The following INPP5J variants were observed in gnomAD, a reference collection of about 807,000 sequenced individuals.
INPP5J encodes phosphatidylinositol 4,5-bisphosphate 5-phosphatase A.
INPP5J carries 75 observed loss-of-function variants against 86.6 expected under a neutral mutation model. That is an observed-to-expected ratio of 0.87 (90% CI 0.72 to 1.05). INPP5J has a LOEUF of 1.05. INPP5J is among the 50% of genes least tolerant of loss of function. The probability of loss-of-function intolerance (pLI) is 0.00; values close to 1 mark genes in which losing one functional copy is unlikely to be tolerated. For synonymous variants in INPP5J, 540 were observed against 550.0 expected (o/e 0.98, Z 0.25); for missense variants, 1,229 against 1,341.2 (o/e 0.92, Z 1.31).
intron 9 of INPP5J, among the ~76,000 whole-genome samples, chr22:31,131,494 C>T (rs139994460): frequency 0.075 from 11,385 of 151,298 alleles, 566 homozygotes; most frequent in Admixed American, 0.13. Flanking sequence ...ACCCGGGAGG[C>T]GGAGGTTGCA....
chr22:31,128,115 A>G, intron 7 of INPP5J, 53 bp downstream of exon 7: 1 of 1,469,366 alleles, frequency 6.8e-7, no homozygotes. Context: ...ACACGCCTGT[A>G]CCTTAGACTA....
At chr22:31,128,187 C>A in intron 7 of INPP5J, 27 bp from the exon 8 acceptor site, 1 of 1,541,036 alleles carries the variant, frequency 6.5e-7, no homozygotes, top group South Asian at 1.2e-5. Context: ...AGCTGTTGTC[C>A]AATCTGCTCT....
At position 31,125,243 on chromosome 22, in the gene INPP5J, G is replaced by A. The variant is rs1294503404; in HGVS notation, c.504G>A (p.Gln168=). 1.9e-6 allele frequency: 3 copies of A among 1,550,492 alleles called. No homozygotes were observed. In the South Asian group the frequency reaches 3.6e-5, roughly 18 times the overall value. The change falls in exon 2 of 13, where the codon CAG becomes CAA. Residue 168 remains glutamine (Q), a synonymous_variant. Transcript: ENST00000331075. ...NLAPTSRDQK[Q]EPPASVGPKP... is the part of the protein sequence containing the mutation. ...CCCCAACCTCCAGAGACCAGAAGCA[G>A]GAGCCACCTGCCTCCGTGGGACCCA...
intron 6 of INPP5J, 34 bp from the exon 7 acceptor site, chr22:31,127,917 C>CGGGG: frequency 8.4e-7 from 1 of 1,185,748 alleles, no homozygotes; most frequent in Non-Finnish European, 1.3e-6. Flanking sequence ...CCCCCACTGC[C>CGGGG]CCCCACATCT....
chr22:31,133,506 T>C (rs1348102324), intron 11 of INPP5J, 23 bp downstream of exon 11: 2 of 1,608,634 alleles, frequency 1.2e-6, no homozygotes, highest in Middle Eastern at 1.7e-4. Flanking sequence ...AGTGGGAGAG[T>C]CAGGGCAAGT....
In INPP5J at chr22:31,128,562, C is replaced by T. The variant is rs768010811; in HGVS notation, c.2101C>T (p.His701Tyr). The stretch of plus-strand genomic sequence containing the variant: ...TCCCAGCCCCTCAGGACGGAAGAGC[C>T]ACCGACTCCAGGTGACGCAGCACAG... ...GGPSPSGRKS[H>Y]RLQVTQHSYR... The change falls in exon 9 of 13, where the codon CAC (histidine) becomes TAC (tyrosine). Residue 701 changes from histidine (H) to tyrosine (Y), a missense_variant. Transcript: ENST00000331075. The T allele has an allele frequency of 1.1e-5, 17 of 1,613,382 alleles. No individual in the cohort carries two copies. The South Asian group carries it at 1.6e-4, about 16-fold the overall frequency.
chr22:31,127,905 A>AC (rs1385851587), intron 6 of INPP5J, 46 bp from the exon 7 acceptor site: 8 of 994,316 alleles, frequency 8.0e-6, no homozygotes, highest in Non-Finnish European at 9.5e-6. Context: ...ACCTGTTGAC[A>AC]CCCCCCACTG....
At chr22:31,128,148 C>T in intron 7 of INPP5J, 66 bp from the exon 8 acceptor site, 1 of 1,435,818 alleles carries the variant, frequency 7.0e-7, no homozygotes, top group South Asian at 1.2e-5. Flanking sequence ...TCACCTGCCC[C>T]ACCCCCTCCC....
intron 8 of INPP5J, 32 bp from the exon 9 acceptor site, chr22:31,128,439 C>T: frequency 6.2e-7 from 1 of 1,610,916 alleles, no homozygotes; most frequent in Non-Finnish European, 8.5e-7. Flanking sequence ...ATCCCCAGCC[C>T]CTGAAACTTG....
In INPP5J at chr22:31,125,984, T is replaced by G. The variant is rs1277406334; in HGVS notation, c.1245T>G (p.Pro415=). 6.3e-7 allele frequency: 1 copy of G among 1,586,030 alleles called. No homozygotes were observed. ...TLSSSPWSAQ[P]TWKSDPGFRI... ...CATCCTCCCCTTGGTCAGCTCAGCCTACCTGGAAGAGCGACCCCGGCTTCC... is the reference window on the plus strand; with the variant it reads ...CATCCTCCCCTTGGTCAGCTCAGCCGACCTGGAAGAGCGACCCCGGCTTCC... Residue 415 remains proline, a synonymous_variant, in exon 2 of 13, where the codon CCT becomes CCG. Coordinates refer to ENST00000331075, the MANE Select transcript of INPP5J (RefSeq NM_001284285.2).
chr22:31,131,756 G>T (rs986868641), intron 9 of INPP5J, among the ~76,000 whole-genome samples: 1 of 152,292 alleles, frequency 6.6e-6, no homozygotes, highest in South Asian at 2.1e-4. Flanking sequence ...TCAGAATAGG[G>T]CTCAGTAGGG....
intron 10 of INPP5J, 46 bp downstream of exon 10, chr22:31,133,281 T>C: frequency 6.2e-7 from 1 of 1,602,762 alleles, no homozygotes; most frequent in Non-Finnish European, 8.5e-7. Context: ...GAAAGGGGCC[T>C]GGAGGAGCAG....
In INPP5J at chr22:31,126,947, C is replaced by A; in HGVS notation, c.1521C>A (p.Val507=). ...TGAGTTCGGTGAGGATGCAGGGTGT[C>A]ATCCTGCTGCTGTTCGCCAAGTACT... ...VLVSSVRMQG[V]ILLLFAKYYH... The change falls in exon 5 of 13, where the codon GTC becomes GTA. Residue 507 remains valine (V), a synonymous_variant. Coordinates refer to ENST00000331075, the MANE Select transcript of INPP5J (RefSeq NM_001284285.2). The A allele has an allele frequency of 6.2e-7, 1 of 1,610,190 alleles. No homozygotes were observed. The highest frequency in any genetic ancestry group is 2.2e-5 in the East Asian group (1 of 44,672).
chr22:31,129,231 AC>A (rs1921826878), intron 9 of INPP5J, among the ~76,000 whole-genome samples: 2 of 59,056 alleles, frequency 3.4e-5, no homozygotes, highest in African/African-American at 5.2e-5. Context: ...TGTCTGGCCA[AC>A]TTTTTTTTTT....
Position 31,125,508 on chromosome 22 carries a change from G to C in INPP5J, c.769G>C (p.Ala257Pro). ...TTCTGAGGGGCATCTCCAGCCTCCA[G>C]CTCAGACATCTGGTCCTACAGGCTC... Reference protein sequence around the residue: ...PASEGHLQPPAQTSGPTGSPP... With the variant: ...PASEGHLQPPPQTSGPTGSPP... The change falls in exon 2 of 13, where the codon GCT (alanine) becomes CCT (proline). Residue 257 changes from alanine (A) to proline (P), a missense_variant. Transcript: ENST00000331075. The C allele has an allele frequency of 6.4e-7, 1 of 1,550,412 alleles. No individual in the cohort carries two copies. Among genetic ancestry groups the C allele is most frequent in the Non-Finnish European group, 8.7e-7 (1 of 1,146,912 alleles).
intron 7 of INPP5J, 72 bp from the exon 8 acceptor site, chr22:31,128,142 C>T (rs1047313024): frequency 4.2e-6 from 6 of 1,435,820 alleles, no homozygotes; most frequent in Non-Finnish European, 5.8e-6. Context: ...CTGTCCTCAC[C>T]TGCCCCACCC....
At chr22:31,130,282 A>G (rs1203739047) in intron 9 of INPP5J, among the ~76,000 whole-genome samples, 2 of 152,212 alleles carry the variant, frequency 1.3e-5, no homozygotes, top group Non-Finnish European at 2.9e-5. Context: ...CAGAGGTTGC[A>G]GTGAGCCAGT....
chr22:31,128,775 G>T (rs1351963991), intron 9 of INPP5J, 121 bp downstream of exon 9: 1 of 880,438 alleles, frequency 1.1e-6, no homozygotes, highest in African/African-American at 1.7e-5. Flanking sequence ...TCCATTTGTT[G>T]TAACAGTGGA....
At chr22:31,128,168 C>A in intron 7 of INPP5J, 46 bp from the exon 8 acceptor site, 2 of 1,489,464 alleles carry the variant, frequency 1.3e-6, no homozygotes, top group South Asian at 1.2e-5. Flanking sequence ...CTGGGCACAG[C>A]AGAGCCCAAG....
Sources: gnomAD v4.1 joint callset for allele counts (sites outside exome capture counted in the v4.1 genomes callset) on GRCh38, gnomAD v4.1.1 for gene constraint, MANE v1.5 for transcripts, NCBI Gene and HGNC (gene_info 2026-07-23, HGNC 2026-07-21) for gene names.